The following ASH1L variants were observed in gnomAD, a reference collection of about 807,000 sequenced individuals.
ASH1L encodes ASH1 like histone lysine methyltransferase, also known as histone-lysine N-methyltransferase ASH1L.
In ASH1L, 23 loss-of-function variants were observed where a neutral mutation model predicts 269.0. The observed-to-expected ratio is 0.09, with a 90% CI of 0.06 to 0.12. ASH1L has a LOEUF of 0.12. ASH1L is among the 10% of genes least tolerant of loss of function. The probability of loss-of-function intolerance (pLI) is 1.00; values close to 1 mark genes in which losing one functional copy is unlikely to be tolerated. For synonymous variants in ASH1L, 1,187 were observed against 1,253.5 expected, an observed-to-expected ratio of 0.95 and a Z score of 1.12; for missense variants, 2,912 against 3,567.8, an observed-to-expected ratio of 0.82 and a Z score of 4.68.
At chr1:155,527,913 C>T (rs1669380283) in intron 1 of ASH1L, among the ~76,000 whole-genome samples, 1 of 152,074 alleles carries the variant, frequency 6.6e-6, no homozygotes, top group African/African-American at 2.4e-5. Flanking sequence ...CAGGTTCTTT[C>T]CTTCCTCCAT....
At chr1:155,553,073 G>C (rs749439490) in intron 1 of ASH1L, among the ~76,000 whole-genome samples, 1 of 152,076 alleles carries the variant, frequency 6.6e-6, no homozygotes, top group Non-Finnish European at 1.5e-5. Context: ...CAATAAGTTA[G>C]CAAAACTCAG....
chr1:155,346,309 G>A, intron 21 of ASH1L, 74 bp downstream of exon 21: 1 of 1,563,830 alleles, frequency 6.4e-7, no homozygotes, highest in Non-Finnish European at 8.8e-7. Flanking sequence ...TGCAAAGCAG[G>A]AGCAGGACAG....
chr1:155,411,586 A>ATATATATAT (rs1558075618), intron 6 of ASH1L, among the ~76,000 whole-genome samples: 35 of 55,160 alleles, frequency 6.3e-4, no homozygotes, highest in South Asian at 4.2e-3. Flanking sequence ...TAAATAAATA[A>ATATATATAT]ATATATATAT....
At chr1:155,358,980 C>T (rs1654693270) in intron 13 of ASH1L, among the ~76,000 whole-genome samples, 1 of 151,930 alleles carries the variant, frequency 6.6e-6, no homozygotes, top group South Asian at 2.1e-4. Context: ...ATTAGCGACG[C>T]ACAGTGGTAC....
intron 5 of ASH1L, chr1:155,434,086 G>T (rs1445932157): frequency 4.4e-6 from 7 of 1,592,168 alleles, no homozygotes; most frequent in Non-Finnish European, 6.0e-6. Context: ...AGGCTGCTGG[G>T]TCTCCTTTCT....
intron 2 of ASH1L, among the ~76,000 whole-genome samples, chr1:155,488,753 C>A (rs999924467): frequency 7.8e-6 from 1 of 129,022 alleles, no homozygotes; most frequent in Non-Finnish European, 1.6e-5. Flanking sequence ...CTTGTAAGAA[C>A]ACTTTAAAAT....
chr1:155,497,968 GGTCTC>G (rs1558168129), intron 2 of ASH1L, among the ~76,000 whole-genome samples: 1 of 151,912 alleles, frequency 6.6e-6, no homozygotes, highest in African/African-American at 2.4e-5. Flanking sequence ...TAGCCAGGAT[GGTCTC>G]GATCTCCTGA....
In ASH1L at chr1:155,480,138, G is replaced by A; in HGVS notation, c.2732C>T (p.Ala911Val). ...VKMKPPVLSV[A>V]PFVATESPSK... ...TGGACTTTCAGTGGCAACAAATGGA[G>A]CCACTGACAGTACAGGTGGCTTCAT... Residue 911 changes from alanine to valine, a missense_variant, in exon 3 of 28, where the codon GCT becomes GTT. Transcript: ENST00000392403. The A allele has an allele frequency of 1.2e-6, 2 of 1,614,084 alleles. No homozygotes were observed. Among genetic ancestry groups the A allele is most frequent in the Non-Finnish European group, 1.7e-6 (2 of 1,179,998 alleles).
Position 155,357,662 on chromosome 1 carries a change from T to C in ASH1L, c.6883A>G (p.Ser2295Gly), listed in dbSNP as rs1193760581. Residue 2295 changes from serine (S) to glycine (G), a missense_variant, in exon 14 of 28, where the codon AGC (serine) becomes GGC (glycine). Physicochemically the swap from Ser to Gly is moderately conservative, Grantham distance 56. This residue lies in a region of ASH1L where 309 missense variants were observed against 435.1 expected (regional missense o/e 0.71). Transcript: ENST00000392403. ...TTTTTGTGTGTGGCCATGGGCTGGC[T>C]GTTTTTGCTGCTGGTGAGTCCATTC... ...RVNGLTSSKN[S>G]QPMATHKKSG... The C allele has an allele frequency of 6.2e-7, 1 of 1,614,200 alleles. No individual in the cohort carries two copies. The highest frequency in any genetic ancestry group is 1.3e-5 in the African/African-American group (1 of 75,060).
intron 1 of ASH1L, among the ~76,000 whole-genome samples, chr1:155,535,942 G>A (rs957641839): frequency 2.0e-5 from 3 of 151,594 alleles, no homozygotes; most frequent in Admixed American, 6.6e-5. Context: ...AGATTGCAGT[G>A]AGCCGAGATC....
At chr1:155,539,431 G>T (rs1300227778) in intron 1 of ASH1L, among the ~76,000 whole-genome samples, 1 of 127,018 alleles carries the variant, frequency 7.9e-6, no homozygotes, top group Non-Finnish European at 1.8e-5. Flanking sequence ...ATCCAGAAAG[G>T]TGTTTTATTT....
At chr1:155,538,346 TTTTG>T (rs545244646) in intron 1 of ASH1L, among the ~76,000 whole-genome samples, 1,960 of 146,416 alleles carry the variant, frequency 0.013, 22 homozygotes, top group Non-Finnish European at 0.02. Context: ...CCTGGCGTTT[TTTTG>T]TTTGTTTGTT....
chr1:155,438,889 C>A lies in ASH1L; in HGVS notation c.5266G>T (p.Asp1756Tyr). The change falls in exon 5 of 28, where the codon GAC (aspartate) becomes TAC (tyrosine). Residue 1756 changes from aspartate to tyrosine, a missense_variant. Asp to Tyr is a radical substitution (Grantham distance 160). This residue lies in a region of ASH1L where 789 missense variants were observed against 897.6 expected (regional missense o/e 0.88). Coordinates refer to ENST00000392403, the MANE Select transcript of ASH1L (RefSeq NM_018489.3). The part of the protein sequence containing the change: ...SSSPGRSHSK[D>Y]RTLGKPDSLL... ...CTGTCTGGTTTTCCCAGGGTTCGGT[C>A]CTTGCTGTGGCTACGGCCTGGACTG... 1.9e-6 allele frequency: 3 copies of A among 1,614,150 alleles called. No individual in the cohort carries two copies. The South Asian group carries it at 3.3e-5, about 18-fold the overall frequency.
intron 1 of ASH1L, among the ~76,000 whole-genome samples, chr1:155,524,555 G>A (rs1669110757): frequency 6.6e-6 from 1 of 151,084 alleles, no homozygotes; most frequent in African/African-American, 2.4e-5. Flanking sequence ...AAAGTTAGCT[G>A]TGCACAGTAG....
chr1:155,478,676 T>C lies in ASH1L; in HGVS notation c.4194A>G (p.Leu1398=). ...PSPLTAAPIG[L]GYYGRYPPTL... Reference sequence around the variant, plus strand: ...TGGGAGGATACCTTCCATAGTAACCTAATCCTATGGGAGCAGCTGTAAGGG... The same window carrying C: ...TGGGAGGATACCTTCCATAGTAACCCAATCCTATGGGAGCAGCTGTAAGGG... Residue 1398 remains leucine, a synonymous_variant, in exon 3 of 28, where the codon TTA becomes TTG. Coordinates refer to ENST00000392403, the MANE Select transcript of ASH1L (RefSeq NM_018489.3). This position sits in a 1 kb window ranked among gnomAD's most constrained non-coding sequence, Gnocchi z 4.6. 3.1e-6 allele frequency: 5 copies of C among 1,613,890 alleles called. No homozygotes were observed. Among genetic ancestry groups the C allele is most frequent in the Non-Finnish European group, 4.2e-6 (5 of 1,179,918 alleles).
intron 12 of ASH1L, among the ~76,000 whole-genome samples, chr1:155,361,682 C>A (rs1048727246): frequency 6.6e-6 from 1 of 151,266 alleles, no homozygotes; most frequent in Non-Finnish European, 1.5e-5. Context: ...CTAGCCTGGG[C>A]AACAGGACGA....
chr1:155,386,164 T>C (rs1377563557), intron 7 of ASH1L, among the ~76,000 whole-genome samples: 1 of 150,384 alleles, frequency 6.6e-6, no homozygotes, highest in East Asian at 1.9e-4. Flanking sequence ...GCCTCCTGAG[T>C]TCAAGCGATT....
chr1:155,451,172 G>A (rs1663432206), intron 4 of ASH1L, among the ~76,000 whole-genome samples: 1 of 147,988 alleles, frequency 6.8e-6, no homozygotes, highest in South Asian at 2.1e-4. Context: ...ACTGCAGCCT[G>A]GGCACCAAGA....
intron 17 of ASH1L, among the ~76,000 whole-genome samples, chr1:155,350,834 T>C (rs1285406416): frequency 6.7e-6 from 1 of 150,144 alleles, no homozygotes; most frequent in Non-Finnish European, 1.5e-5. Context: ...GGCAGGAGAG[T>C]TGCTTGAAGC....
Sources: gnomAD v4.1 joint callset for allele counts (sites outside exome capture counted in the v4.1 genomes callset) on GRCh38, gnomAD v4.1.1 for gene constraint, gnomAD v4.1.1 regional missense constraint, Gnocchi (gnomAD v3.1) non-coding constraint, MANE v1.5 for transcripts, NCBI Gene and HGNC (gene_info 2026-07-23, HGNC 2026-07-21) for gene names.